CTNND2: variants seen among roughly 807,000 people sequenced by gnomAD.
The protein encoded by CTNND2 is catenin delta 2.
CTNND2 carries 22 observed loss-of-function variants against 144.4 expected under a neutral mutation model. The ratio of observed to expected loss-of-function variants is 0.15; its 90% CI spans 0.11 to 0.22. The LOEUF is 0.22. Ranked by LOEUF, CTNND2 falls within the 10% of genes least tolerant of loss-of-function variation. The probability of loss-of-function intolerance (pLI) is 1.00; values close to 1 mark genes in which losing one functional copy is unlikely to be tolerated. For synonymous variants in CTNND2, 751 were observed against 695.6 expected, an observed-to-expected ratio of 1.08 and a Z score of -1.25; for missense variants, 1,353 against 1,618.8, an observed-to-expected ratio of 0.84 and a Z score of 2.82.
At chr5:11,174,846 A>C (rs1760308580) in intron 11 of CTNND2, among the ~76,000 whole-genome samples, 1 of 152,250 alleles carries the variant, frequency 6.6e-6, no homozygotes, top group South Asian at 2.1e-4. Flanking sequence ...TAGGATTTTC[A>C]GAAAACAATT....
chr5:11,039,328 G>A (rs1186265306), intron 16 of CTNND2, among the ~76,000 whole-genome samples: 6 of 152,274 alleles, frequency 3.9e-5, no homozygotes, highest in Middle Eastern at 6.8e-3. Flanking sequence ...AAATGTAGAC[G>A]GCTGGTCTTA....
chr5:11,011,945 G>T (rs557743026), intron 18 of CTNND2, among the ~76,000 whole-genome samples: 81 of 152,284 alleles, frequency 5.3e-4, no homozygotes, highest in African/African-American at 1.9e-3. Context: ...GAGACCAGGG[G>T]GAGAGGAGCT....
intron 9 of CTNND2, among the ~76,000 whole-genome samples, chr5:11,317,144 G>A (rs933283066): frequency 3.3e-5 from 5 of 152,124 alleles, no homozygotes; most frequent in African/African-American, 9.7e-5. Flanking sequence ...AGTTAGAATG[G>A]CGATCATTAA....
At chr5:11,825,272 A>G (rs1252450786) in intron 1 of CTNND2, among the ~76,000 whole-genome samples, 1 of 152,220 alleles carries the variant, frequency 6.6e-6, no homozygotes, top group Admixed American at 6.5e-5. Context: ...CTATAAGTAA[A>G]GAATGAAACA....
intron 2 of CTNND2, among the ~76,000 whole-genome samples, chr5:11,644,190 A>G (rs1436725236): frequency 2.0e-5 from 3 of 152,220 alleles, no homozygotes; most frequent in African/African-American, 7.2e-5. Flanking sequence ...AAAGTGAAAA[A>G]AAACCTAGAT....
At chr5:11,616,116 C>T (rs1780566638) in intron 2 of CTNND2, among the ~76,000 whole-genome samples, 1 of 152,168 alleles carries the variant, frequency 6.6e-6, no homozygotes, top group South Asian at 2.1e-4. Flanking sequence ...GCTTTAAGCT[C>T]TCATGCTCCT....
chr5:11,423,751 C>T (rs1762550876), intron 3 of CTNND2, among the ~76,000 whole-genome samples: 2 of 152,168 alleles, frequency 1.3e-5, no homozygotes, highest in African/African-American at 4.8e-5. Context: ...TCATCTACTA[C>T]AGGTATATCA....
At chr5:11,111,563 T>C (rs999858635) in intron 13 of CTNND2, among the ~76,000 whole-genome samples, 1 of 152,256 alleles carries the variant, frequency 6.6e-6, no homozygotes, top group Middle Eastern at 3.4e-3. Context: ...CTGGGGTGCA[T>C]AAATATTTTT....
Position 11,199,457 on chromosome 5 carries a change from G to C in CTNND2, c.1966C>G (p.Leu656Val), listed in dbSNP as rs748697064. The part of the protein sequence containing the change: ...RKTTDLEIRE[L>V]VTGVLWNLSS... ...TAATAATGATTCTAACCTGTGACCA[G>C]CTCCCGGATCTCCAGGTCAGTCGTC... Residue 656 changes from leucine to valine, a missense_variant, in exon 11 of 22, where the codon CTG (leucine) becomes GTG (valine). Leu to Val is a conservative substitution (Grantham distance 32, BLOSUM62 1). This residue lies in a region of CTNND2 where 117 missense variants were observed against 117.8 expected (regional missense o/e 0.99). Coordinates refer to ENST00000304623, the MANE Select transcript of CTNND2 (RefSeq NM_001332.4). 5.6e-6 allele frequency: 9 copies of C among 1,613,960 alleles called. No homozygotes were observed. The Admixed American group carries it at 1.5e-4, about 27-fold the overall frequency.
intron 2 of CTNND2, among the ~76,000 whole-genome samples, chr5:11,662,263 G>GTATATATATACACATATA (rs1380327036): frequency 5.7e-5 from 7 of 123,102 alleles, no homozygotes; most frequent in Non-Finnish European, 9.9e-5. Flanking sequence ...GTGTATATAT[G>GTATATATATACACATATA]TGTGTGTGTG....
chr5:11,480,805 A>C (rs1768180984), intron 3 of CTNND2, among the ~76,000 whole-genome samples: 1 of 152,092 alleles, frequency 6.6e-6, no homozygotes, highest in Non-Finnish European at 1.5e-5. Context: ...GGTGAGCTGC[A>C]CATGCTGGCA....
chr5:11,653,285 C>T (rs1782741826), intron 2 of CTNND2, among the ~76,000 whole-genome samples: 1 of 152,072 alleles, frequency 6.6e-6, no homozygotes, highest in African/African-American at 2.4e-5. Flanking sequence ...AGTGCGATTG[C>T]TGTGTGGTAG....
chr5:11,086,636 T>A (rs142703001), intron 15 of CTNND2, among the ~76,000 whole-genome samples: 1 of 152,226 alleles, frequency 6.6e-6, no homozygotes, highest in Non-Finnish European at 1.5e-5. Flanking sequence ...TTGTGTCCCA[T>A]GAAATTCCTA....
At chr5:11,326,958 T>C (rs927598545) in intron 9 of CTNND2, among the ~76,000 whole-genome samples, 1 of 152,196 alleles carries the variant, frequency 6.6e-6, no homozygotes, top group African/African-American at 2.4e-5. Context: ...CTGTAGAGAA[T>C]GGTCTTACAT....
intron 2 of CTNND2, among the ~76,000 whole-genome samples, chr5:11,567,070 G>T (rs1343562802): frequency 6.6e-6 from 1 of 151,970 alleles, no homozygotes; most frequent in Non-Finnish European, 1.5e-5. Flanking sequence ...CCTCTTGTTT[G>T]CACTGTTTCT....
At chr5:11,703,631 G>C (rs544108607) in intron 2 of CTNND2, among the ~76,000 whole-genome samples, 1 of 152,196 alleles carries the variant, frequency 6.6e-6, no homozygotes, top group Non-Finnish European at 1.5e-5. Context: ...AAGATTTAGA[G>C]TGGAATAAAA....
rs1160442013 is a variant in CTNND2, at chr5:10,971,975, T to A, written c.*1478A>T. ...GTTCTTTTCGATGGTTAGCCTTATT[T>A]CTTAGCTCTGTTAACCACTATTCTA... is the stretch of plus-strand genomic sequence containing the variant. On this transcript the variant is annotated 3_prime_UTR_variant, in exon 22 of 22. Coordinates refer to ENST00000304623, the MANE Select transcript of CTNND2 (RefSeq NM_001332.4). 2 of 152,670 alleles carry A rather than the reference T, an allele frequency of 1.3e-5. No homozygotes were observed. Among genetic ancestry groups the A allele is most frequent in the Non-Finnish European group, 2.9e-5 (2 of 68,048 alleles). 9.5% of individuals were successfully genotyped at this position (152,670 alleles called of 1,614,324 possible).
At chr5:11,448,948 C>T (rs1365151562) in intron 3 of CTNND2, among the ~76,000 whole-genome samples, 2 of 151,972 alleles carry the variant, frequency 1.3e-5, no homozygotes, top group Non-Finnish European at 2.9e-5. Flanking sequence ...AGTGATCCTC[C>T]CACCTCAGTC....
At chr5:11,164,344 C>T (rs1462916551) in intron 11 of CTNND2, among the ~76,000 whole-genome samples, 1 of 152,108 alleles carries the variant, frequency 6.6e-6, no homozygotes, top group Non-Finnish European at 1.5e-5. Context: ...ACTACGTATC[C>T]CTTCAAAAAT....
Sources: gnomAD v4.1 joint callset for allele counts (sites outside exome capture counted in the v4.1 genomes callset) on GRCh38, gnomAD v4.1.1 for gene constraint, gnomAD v4.1.1 regional missense constraint, MANE v1.5 for transcripts, NCBI Gene and HGNC (gene_info 2026-07-23, HGNC 2026-07-21) for gene names.